FCHO2: variants seen among roughly 807,000 people sequenced by gnomAD.
FCHO2 encodes F-BAR domain only protein 2.
A neutral mutation model predicts 114.1 loss-of-function variants in FCHO2; 43 were observed. The ratio of observed to expected loss-of-function variants is 0.38; its 90% CI spans 0.30 to 0.49. The LOEUF is 0.49. Ranked by LOEUF, FCHO2 falls within the 20% of genes least tolerant of loss-of-function variation. FCHO2 has a pLI of 0.97. For missense variants in FCHO2, 807 were observed against 950.4 expected, an observed-to-expected ratio of 0.85 and a Z score of 1.98; for synonymous variants, 293 against 315.2, an observed-to-expected ratio of 0.93 and a Z score of 0.75.
chr5:72,995,467 G>C (rs764934008), intron 5 of FCHO2, among the ~76,000 whole-genome samples: 1 of 152,168 alleles, frequency 6.6e-6, no homozygotes, highest in Admixed American at 6.5e-5. Context: ...TGTTGGCCAG[G>C]CTGGTCTTGA....
At chr5:73,069,165 G>A (rs1189506352) in intron 19 of FCHO2, among the ~76,000 whole-genome samples, 1 of 152,076 alleles carries the variant, frequency 6.6e-6, no homozygotes, top group Non-Finnish European at 1.5e-5. Flanking sequence ...ATTTGTGCTT[G>A]CAGTGAATTA....
intron 9 of FCHO2, among the ~76,000 whole-genome samples, 159 bp downstream of exon 9, chr5:73,034,860 T>C (rs1237597220): frequency 4.6e-5 from 7 of 152,226 alleles, no homozygotes; most frequent in Non-Finnish European, 8.8e-5. Flanking sequence ...CTGCAGATGC[T>C]ACTTGCTGCT....
rs202221560 is a variant in FCHO2, at chr5:72,986,885, CT to C, written c.126-2530del. 8.1e-3 allele frequency among the ~76,000 whole-genome samples: 1,104 copies of C among 136,254 alleles called. 8 individuals carry two copies. The highest frequency in any genetic ancestry group is 0.027 in the African/African-American group (1,009 of 37,310). The allele number at this position is 136,254 out of a possible 152,430, so 89.4% of individuals were successfully genotyped here. ...TTTTCTTTTTCTTTCTTTTTTTTTTCTTTTTTTTTTTTGAGACGGAGTCTCA... is the reference window on the plus strand; with the variant it reads ...TTTTCTTTTTCTTTCTTTTTTTTTTCTTTTTTTTTTTGAGACGGAGTCTCA... On this transcript the variant is annotated intron_variant, in intron 2 of 25. Coordinates refer to ENST00000430046, the MANE Select transcript of FCHO2 (RefSeq NM_138782.3).
chr5:72,986,715 A>G (rs568671071), intron 2 of FCHO2, among the ~76,000 whole-genome samples: 7 of 152,126 alleles, frequency 4.6e-5, no homozygotes, highest in African/African-American at 1.2e-4. Flanking sequence ...TAGAATTAGG[A>G]TTTTTTTCAG....
At chr5:72,978,367 G>T (rs747555509) in intron 2 of FCHO2, among the ~76,000 whole-genome samples, 26 of 152,124 alleles carry the variant, frequency 1.7e-4, no homozygotes, top group Non-Finnish European at 3.2e-4. Flanking sequence ...TCTTTTTGTG[G>T]CAATTGTGAA....
chr5:73,034,901 T>TTAG (rs1426039379), intron 9 of FCHO2, among the ~76,000 whole-genome samples, 200 bp downstream of exon 9: 2 of 152,170 alleles, frequency 1.3e-5, no homozygotes, highest in African/African-American at 4.8e-5. Context: ...CAAAATAATA[T>TTAG]TAGTGTGTTA....
chr5:72,963,903 T>G (rs75611994), intron 1 of FCHO2, among the ~76,000 whole-genome samples: 155 of 11,034 alleles, frequency 0.014, no homozygotes, highest in East Asian at 0.071. Context: ...GAACTTTCAG[T>G]TTTTTTTTTT....
chr5:73,000,458 T>A (rs75569534), intron 5 of FCHO2, among the ~76,000 whole-genome samples: 16,166 of 106,908 alleles, frequency 0.15, 1,192 homozygotes, highest in Middle Eastern at 0.24. Flanking sequence ...GCAACAAGAG[T>A]GAAACTCAGT....
At chr5:73,025,887 T>C (rs1755889776) in intron 8 of FCHO2, among the ~76,000 whole-genome samples, 1 of 152,246 alleles carries the variant, frequency 6.6e-6, no homozygotes. Context: ...GTTAACATTT[T>C]ATTTCTCCTC....
intron 1 of FCHO2, among the ~76,000 whole-genome samples, chr5:72,962,529 T>A (rs938069256): frequency 2.6e-5 from 4 of 152,086 alleles, no homozygotes; most frequent in African/African-American, 7.2e-5. Context: ...GGAAATAGGA[T>A]CCCATGGAAA....
chr5:73,049,312 C>T (rs1456127728), intron 11 of FCHO2, among the ~76,000 whole-genome samples: 1 of 152,152 alleles, frequency 6.6e-6, no homozygotes. Context: ...ATACACGTAG[C>T]CTTAACCTTT....
intron 8 of FCHO2, among the ~76,000 whole-genome samples, chr5:73,034,240 C>T (rs1218289432): frequency 6.6e-6 from 1 of 152,116 alleles, no homozygotes; most frequent in Non-Finnish European, 1.5e-5. Flanking sequence ...AGCTTATGTT[C>T]TAGTAGTATT....
intron 5 of FCHO2, among the ~76,000 whole-genome samples, chr5:73,006,064 G>T (rs1041152394): frequency 1.3e-5 from 2 of 152,098 alleles, no homozygotes; most frequent in Non-Finnish European, 2.9e-5. Flanking sequence ...TGTCAAGCAC[G>T]TTCTGGTGGT....
At chr5:73,013,543 T>C (rs1755134845) in intron 6 of FCHO2, among the ~76,000 whole-genome samples, 3 of 152,220 alleles carry the variant, frequency 2.0e-5, no homozygotes, top group Admixed American at 1.3e-4. Context: ...AGGACTATTA[T>C]TGCTCTGTGA....
intron 2 of FCHO2, among the ~76,000 whole-genome samples, chr5:72,979,391 T>TC (rs1753061214): frequency 2.5e-5 from 3 of 118,990 alleles, no homozygotes; most frequent in Non-Finnish European, 5.3e-5. Flanking sequence ...TTTTTTTTTT[T>TC]TTTTTTTTTT....
intron 2 of FCHO2, among the ~76,000 whole-genome samples, chr5:72,971,453 G>A (rs972014979): frequency 1.7e-4 from 26 of 152,220 alleles, no homozygotes; most frequent in Admixed American, 2.0e-4. Flanking sequence ...GATGGCCAGC[G>A]ATGGTGAGCA....
intron 20 of FCHO2, among the ~76,000 whole-genome samples, chr5:73,076,256 G>A (rs1251936530): frequency 1.3e-5 from 2 of 152,130 alleles, no homozygotes; most frequent in Non-Finnish European, 2.9e-5. Flanking sequence ...GCATAGTGGA[G>A]ATGAAAGTAT....
intron 18 of FCHO2, among the ~76,000 whole-genome samples, chr5:73,066,400 A>C (rs1172747344): frequency 2.0e-5 from 3 of 151,988 alleles, no homozygotes; most frequent in Non-Finnish European, 4.4e-5. Context: ...ACAATGTCTT[A>C]ATGACTGTCC....
intron 10 of FCHO2, chr5:73,037,718 T>G (rs1756591073): frequency 2.6e-6 from 1 of 382,406 alleles, no homozygotes; most frequent in Non-Finnish European, 5.0e-6. Context: ...GTCATCATTT[T>G]TAGATGGAAT....
Sources: allele counts gnomAD v4.1 joint callset (sites outside exome capture counted in the v4.1 genomes callset), GRCh38; gene constraint gnomAD v4.1.1; transcripts MANE v1.5; gene names NCBI Gene and HGNC (gene_info 2026-07-23, HGNC 2026-07-21).